The following MEGF6 variants were observed in gnomAD, a reference collection of about 807,000 sequenced individuals.
MEGF6 encodes multiple epidermal growth factor-like domains protein 6.
In MEGF6, 184 loss-of-function variants were observed where a neutral mutation model predicts 207.1. That is an observed-to-expected ratio of 0.89 (90% CI 0.79 to 1.00). The LOEUF (loss-of-function observed/expected upper bound fraction) is 1.00, where lower values mean the gene tolerates loss of function less well. MEGF6 is among the 50% of genes least tolerant of loss of function. The pLI, the probability that MEGF6 is intolerant of heterozygous loss-of-function variation, is 0.00. For missense variants in MEGF6, 2,282 were observed against 2,202.9 expected (o/e 1.04, Z -0.72); for synonymous variants, 1,038 against 910.0 (o/e 1.14, Z -2.53).
chr1:3,555,918 G>A (rs1267043733), intron 4 of MEGF6, among the ~76,000 whole-genome samples: 1 of 152,248 alleles, frequency 6.6e-6, no homozygotes, highest in African/African-American at 2.4e-5. Flanking sequence ...TCCAACTCAA[G>A]CTGTCCCATC....
At chr1:3,616,540 G>C in the MEGF6 span, among the ~76,000 whole-genome samples, 1 of 152,186 alleles carries the variant, frequency 6.6e-6, no homozygotes, top group African/African-American at 2.4e-5. Flanking sequence ...ACGTGCAGGT[G>C]ATGGCCAGAG....
At chr1:3,505,145 G>GCTACCCT in intron 17 of MEGF6, 63 bp downstream of exon 17, 1 of 1,580,938 alleles carries the variant, frequency 6.3e-7, no homozygotes, top group East Asian at 2.2e-5. Context: ...CTACCCTCCA[G>GCTACCCT]CCAGGCAGGC....
intron 4 of MEGF6, among the ~76,000 whole-genome samples, chr1:3,549,883 AG>A (rs1429925886): frequency 6.6e-6 from 1 of 152,206 alleles, no homozygotes; most frequent in East Asian, 1.9e-4. Context: ...ATCCAAGCAC[AG>A]GCACGGGTGG....
chr1:3,555,782 G>A (rs77858489), intron 4 of MEGF6, among the ~76,000 whole-genome samples: 3,493 of 152,344 alleles, frequency 0.023, 81 homozygotes, highest in African/African-American at 0.06. Context: ...CTGGAAAGCC[G>A]GGCCAGCGGC....
chr1:3,582,635 C>CT (rs1192756210), intron 3 of MEGF6, among the ~76,000 whole-genome samples: 3 of 152,196 alleles, frequency 2.0e-5, no homozygotes, highest in African/African-American at 7.2e-5. Flanking sequence ...TTTCCATTGA[C>CT]TTGGCACAAA....
intron 4 of MEGF6, among the ~76,000 whole-genome samples, chr1:3,534,496 C>A (rs1461270138): frequency 6.6e-6 from 1 of 152,170 alleles, no homozygotes; most frequent in Non-Finnish European, 1.5e-5. Context: ...ACACTCTGTG[C>A]CTCAGTTTCC....
intron 17 of MEGF6, among the ~76,000 whole-genome samples, chr1:3,504,024 C>G (rs746871341): frequency 6.6e-6 from 1 of 151,948 alleles, no homozygotes; most frequent in Non-Finnish European, 1.5e-5. Flanking sequence ...TCTGCGGACC[C>G]CTTCTCATTC....
At chr1:3,612,883 C>G (rs969042866), upstream of MEGF6, among the ~76,000 whole-genome samples, 1 of 152,180 alleles carries the variant, frequency 6.6e-6, no homozygotes, top group African/African-American at 2.4e-5. Context: ...GTCTGGCCAG[C>G]CTTGCTGTCA....
intron 3 of MEGF6, among the ~76,000 whole-genome samples, chr1:3,593,946 C>T (rs1644019899): frequency 6.6e-6 from 1 of 152,254 alleles, no homozygotes; most frequent in Non-Finnish European, 1.5e-5. Context: ...ATCATCCCTT[C>T]TCTTCCCCTT....
At chr1:3,569,172 G>C (rs1018335413) in intron 4 of MEGF6, among the ~76,000 whole-genome samples, 2 of 152,194 alleles carry the variant, frequency 1.3e-5, no homozygotes, top group Admixed American at 6.5e-5. Context: ...GCCTGTTCAG[G>C]GGGGGAGACC....
At chr1:3,540,751 C>T (rs561471207) in intron 4 of MEGF6, among the ~76,000 whole-genome samples, 1 of 152,340 alleles carries the variant, frequency 6.6e-6, no homozygotes, top group East Asian at 1.9e-4. Context: ...TCCCTCCGAT[C>T]TTTTCTGGGG....
chr1:3,579,807 C>T lies in MEGF6; in HGVS notation c.481+18G>A, dbSNP rs760140351. On this transcript the variant is annotated intron_variant, in intron 4 of 36. Coordinates refer to ENST00000356575, the MANE Select transcript of MEGF6 (RefSeq NM_001409.4). ...CTGGCCATGGCCAGGGCCTTGGTCC[C>T]CCAGGGGCTCCACTCACCATACTGA... The T allele has an allele frequency of 3.4e-6, 5 of 1,462,612 alleles. No individual in the cohort carries two copies. The highest frequency in any genetic ancestry group is 3.6e-6 in the Non-Finnish European group (4 of 1,110,054). The allele number at this position is 1,462,612 out of a possible 1,614,324, so 90.6% of individuals were successfully genotyped here. A position where few individuals can be genotyped will look rare whatever the true frequency, so the allele number is the denominator to read the frequency against.
intron 4 of MEGF6, among the ~76,000 whole-genome samples, chr1:3,567,539 G>A (rs1354063046): frequency 6.6e-6 from 1 of 151,958 alleles, no homozygotes; most frequent in Non-Finnish European, 1.5e-5. Flanking sequence ...CCCCCCCCAG[G>A]CTCTCCCAGG....
At position 3,497,375 on chromosome 1, in the gene MEGF6, A is replaced by G; in HGVS notation, c.3353-14T>C. 2 of 1,520,654 alleles carry G rather than the reference A, an allele frequency of 1.3e-6. No individual in the cohort carries two copies. The highest frequency in any genetic ancestry group is 8.8e-7 in the Non-Finnish European group (1 of 1,138,134). The allele number at this position is 1,520,654 out of a possible 1,614,324, so 94.2% of individuals were successfully genotyped here. A position where few individuals can be genotyped will look rare whatever the true frequency, so the allele number is the denominator to read the frequency against. On this transcript the variant is annotated splice_polypyrimidine_tract_variant and intron_variant, in intron 26 of 36. Coordinates refer to ENST00000356575, the MANE Select transcript of MEGF6 (RefSeq NM_001409.4). ...CCCGCAGGCAGGCTGCAGAAAGATG[A>G]GGGCTGCGGAGGCTTCTAGGAGGGG...
At chr1:3,531,411 T>TGGGCTCCC in intron 4 of MEGF6, 1 of 1,133,796 alleles carries the variant, frequency 8.8e-7, no homozygotes, top group Non-Finnish European at 1.1e-6. Context: ...GGAGCCGCTC[T>TGGGCTCCC]GGGCCGGGCG....
chr1:3,610,509 G>A lies in MEGF6; in HGVS notation c.131+629C>T, dbSNP rs951587683. On this transcript the variant is annotated intron_variant, in intron 1 of 36. Coordinates refer to ENST00000356575, the MANE Select transcript of MEGF6 (RefSeq NM_001409.4). ...CTCCTCCTCCTCCTCCTCCACTGCC[G>A]CACGTTTTCCTTTGAGGCCAACACA... Among the ~76,000 whole-genome samples the A allele has an allele frequency of 3.7e-4, 7 of 19,098 alleles. No individual in the cohort carries two copies. The East Asian group carries it at 0.039, about 106-fold the overall frequency. The allele number at this position is 19,098 out of a possible 152,430, so 12.5% of individuals were successfully genotyped here. A position where few individuals can be genotyped will look rare whatever the true frequency, so the allele number is the denominator to read the frequency against.
intron 6 of MEGF6, 53 bp from the exon 7 acceptor site, chr1:3,514,725 C>T: frequency 6.7e-7 from 1 of 1,499,474 alleles, no homozygotes; most frequent in Non-Finnish European, 8.9e-7. Flanking sequence ...CCAGTGGCTG[C>T]AGGGCGCCTG....
At chr1:3,497,721 G>A (rs1557717085) in intron 26 of MEGF6, 36 of 410,080 alleles carry the variant, frequency 8.8e-5, no homozygotes, top group South Asian at 7.1e-4. Flanking sequence ...GCTCAGCACT[G>A]AGGCGACGGG....
At chr1:3,515,365 AC>A (rs1641504496) in intron 6 of MEGF6, 36 bp downstream of exon 6, 2 of 1,587,976 alleles carry the variant, frequency 1.3e-6, no homozygotes, top group Non-Finnish European at 1.7e-6. Context: ...TCCTGCCTCC[AC>A]CCCCAGGTCC....
Sources: gnomAD v4.1 joint callset for allele counts (sites outside exome capture counted in the v4.1 genomes callset) on GRCh38, gnomAD v4.1.1 for gene constraint, MANE v1.5 for transcripts, NCBI Gene and HGNC (gene_info 2026-07-23, HGNC 2026-07-21) for gene names.